DIS3L2: variants seen among roughly 807,000 people sequenced by gnomAD.
DIS3L2 encodes the protein DIS3 like 3'-5' exoribonuclease 2.
A neutral mutation model predicts 97.5 loss-of-function variants in DIS3L2; 34 were observed. That is an observed-to-expected ratio of 0.35 (90% CI 0.27 to 0.46). The LOEUF (loss-of-function observed/expected upper bound fraction) is 0.46. Ranked by LOEUF, DIS3L2 falls within the 20% of genes least tolerant of loss-of-function variation. DIS3L2 has a pLI of 1.00. For synonymous variants in DIS3L2, 435 were observed against 445.2 expected, an observed-to-expected ratio of 0.98 and a Z score of 0.29; for missense variants, 1,038 against 1,146.0, an observed-to-expected ratio of 0.91 and a Z score of 1.36.
intron 6 of DIS3L2, among the ~76,000 whole-genome samples, chr2:232,128,462 T>TTC (rs1698131214): frequency 7.5e-6 from 1 of 132,572 alleles, no homozygotes; most frequent in Non-Finnish European, 1.6e-5. Context: ...TTTTTTTTTT[T>TTC]TTTTTTTTTT....
chr2:232,071,884 G>T (rs984325093), intron 5 of DIS3L2, among the ~76,000 whole-genome samples: 1 of 152,144 alleles, frequency 6.6e-6, no homozygotes, highest in Non-Finnish European at 1.5e-5. Context: ...GAATGTTTTT[G>T]AATAAGAGGA....
intron 1 of DIS3L2, among the ~76,000 whole-genome samples, chr2:231,974,994 G>A (rs1693039561): frequency 6.6e-6 from 1 of 152,154 alleles, no homozygotes; most frequent in Non-Finnish European, 1.5e-5. Context: ...ATTGAAAAAT[G>A]AGTAGTTTTA....
chr2:232,065,342 T>A (rs1695825240), intron 5 of DIS3L2, among the ~76,000 whole-genome samples: 1 of 152,018 alleles, frequency 6.6e-6, no homozygotes, highest in South Asian at 2.1e-4. Context: ...TTTATAGTAG[T>A]TTGAATTTTC....
intron 20 of DIS3L2, 183 bp downstream of exon 20, chr2:232,336,057 C>A: frequency 6.5e-7 from 1 of 1,531,656 alleles, no homozygotes; most frequent in Non-Finnish European, 8.8e-7. Flanking sequence ...TTTCTGGCAC[C>A]ACCTTCCCTT....
chr2:232,249,359 A>G lies in DIS3L2; in HGVS notation c.1425+13A>G, dbSNP rs565049855. 2.0e-5 allele frequency: 32 copies of G among 1,612,868 alleles called. No homozygotes were observed. In the East Asian group the frequency reaches 6.2e-4, roughly 31 times the overall value. ...TCCAGAGGGCAAGGTAACAACTTACACGTTTTCTTTCTCCACTTACCTCTT... is the reference window on the plus strand; with the variant it reads ...TCCAGAGGGCAAGGTAACAACTTACGCGTTTTCTTTCTCCACTTACCTCTT... On this transcript the variant is annotated intron_variant, in intron 12 of 20. Coordinates refer to ENST00000325385, the MANE Select transcript of DIS3L2 (RefSeq NM_152383.5).
At position 232,227,433 on chromosome 2, in the gene DIS3L2, G is replaced by T. The variant is rs147682528; in HGVS notation, c.1205-11100G>T. Among the ~76,000 whole-genome samples the T allele has an allele frequency of 3.9e-3, 593 of 152,300 alleles. 4 individuals carry two copies. Among genetic ancestry groups the T allele is most frequent in the African/African-American group, 0.013 (561 of 41,566 alleles). On this transcript the variant is annotated intron_variant, in intron 10 of 20. Transcript: ENST00000325385. ...AGAGATGCGTCTCATAGCATTGGAA[G>T]ATTAAATGAATTAATATAATGAAGT...
At chr2:232,329,785 T>TGCCGGGGGGGCA in intron 14 of DIS3L2, 28 bp from the exon 15 acceptor site, 2 of 967,144 alleles carry the variant, frequency 2.1e-6, no homozygotes, top group Non-Finnish European at 2.9e-6. Flanking sequence ...ACCCCAGCGG[T>TGCCGGGGGGGCA]CCCTCCCATC....
chr2:232,158,794 A>G (rs1192383530), intron 8 of DIS3L2, among the ~76,000 whole-genome samples: 1 of 152,228 alleles, frequency 6.6e-6, no homozygotes, highest in African/African-American at 2.4e-5. Context: ...AGAATAATAA[A>G]TGAGTTAGAT....
chr2:232,186,319 A>C (rs940523526), intron 9 of DIS3L2, among the ~76,000 whole-genome samples: 2 of 152,254 alleles, frequency 1.3e-5, no homozygotes, highest in African/African-American at 2.4e-5. Flanking sequence ...CTTAGAAGAG[A>C]TGAGTCAAAG....
intron 10 of DIS3L2, 62 bp downstream of exon 10, chr2:232,210,467 C>A: frequency 6.8e-7 from 1 of 1,461,846 alleles, no homozygotes. Context: ...GTGTGGTTAG[C>A]CTGGCTGCCC....
intron 10 of DIS3L2, among the ~76,000 whole-genome samples, chr2:232,234,374 C>T (rs772833416): frequency 9.2e-5 from 14 of 152,210 alleles, no homozygotes; most frequent in Admixed American, 3.3e-4. Context: ...CTTCTTGAGA[C>T]GGAGTCTCAC....
In DIS3L2 at chr2:232,336,512, A is replaced by G. The variant is rs1695954431; in HGVS notation, c.2540A>G (p.Glu847Gly). Residue 847 changes from glutamate (E) to glycine (G), a missense_variant, in exon 21 of 21, where the codon GAG becomes GGG. Transcript: ENST00000325385. ...CTGGTGGAGGTGGTCCTGCAGGCAGAGTCCACAGCCCTCAAGTACAGCGCC... is the reference window on the plus strand; with the variant it reads ...CTGGTGGAGGTGGTCCTGCAGGCAGGGTCCACAGCCCTCAAGTACAGCGCC... Reference protein sequence around the residue: ...FSLVEVVLQAESTALKYSAIL... With the variant: ...FSLVEVVLQAGSTALKYSAIL... 6.2e-7 allele frequency: 1 copy of G among 1,611,408 alleles called. No individual in the cohort carries two copies. Among genetic ancestry groups the G allele is most frequent in the Non-Finnish European group, 8.5e-7 (1 of 1,179,914 alleles).
intron 8 of DIS3L2, among the ~76,000 whole-genome samples, chr2:232,146,099 T>C (rs1690209110): frequency 6.6e-6 from 1 of 152,166 alleles, no homozygotes; most frequent in Non-Finnish European, 1.5e-5. Flanking sequence ...GGTATATGCT[T>C]TGTGGGCCTA....
chr2:232,309,942 CT>C (rs894516311), intron 14 of DIS3L2, among the ~76,000 whole-genome samples: 8 of 152,356 alleles, frequency 5.3e-5, no homozygotes, highest in African/African-American at 1.9e-4. Context: ...AGCTTCCCCC[CT>C]GCTTGGTTCT....
In DIS3L2 at chr2:232,206,205, C is replaced by T. The variant is rs1050314604; in HGVS notation, c.1125-4121C>T. Reference sequence around the variant, plus strand: ...TGAGTTGGTCAAGAACTGTTGATACCGGCATATTAAAGGCTCCTCGAAGTC... The same window carrying T: ...TGAGTTGGTCAAGAACTGTTGATACTGGCATATTAAAGGCTCCTCGAAGTC... On this transcript the variant is annotated intron_variant, in intron 9 of 20. Transcript: ENST00000325385. Among the ~76,000 whole-genome samples the T allele has an allele frequency of 2.0e-5, 3 of 152,144 alleles. No homozygotes were observed. The South Asian group carries it at 6.2e-4, about 32-fold the overall frequency.
intron 13 of DIS3L2, among the ~76,000 whole-genome samples, chr2:232,296,568 G>A (rs899597986): frequency 1.3e-5 from 2 of 152,134 alleles, no homozygotes; most frequent in South Asian, 4.2e-4. Flanking sequence ...TGTTCTCGTG[G>A]TAGTGAATAA....
At chr2:231,992,925 C>T (rs1198336173) in intron 1 of DIS3L2, among the ~76,000 whole-genome samples, 1 of 152,190 alleles carries the variant, frequency 6.6e-6, no homozygotes, top group East Asian at 1.9e-4. Flanking sequence ...CTTTGAGGCT[C>T]CTCAGAGTCT....
At chr2:232,046,093 A>G (rs1695233780) in intron 5 of DIS3L2, among the ~76,000 whole-genome samples, 1 of 152,176 alleles carries the variant, frequency 6.6e-6, no homozygotes, top group South Asian at 2.1e-4. Context: ...CACTGTCACA[A>G]CACTTGGTGC....
At chr2:232,047,115 A>G (rs11901253) in intron 5 of DIS3L2, among the ~76,000 whole-genome samples, 16,826 of 152,290 alleles carry the variant, frequency 0.11, 1,154 homozygotes, top group African/African-American at 0.19. Flanking sequence ...AGTTTTCAGC[A>G]TGTTTTGAAG....
Sources: allele counts gnomAD v4.1 joint callset (sites outside exome capture counted in the v4.1 genomes callset), GRCh38; gene constraint gnomAD v4.1.1; transcripts MANE v1.5; gene names NCBI Gene and HGNC (gene_info 2026-07-23, HGNC 2026-07-21).